Variants in MTMR3 observed in about 807,000 individuals in gnomAD.
The protein encoded by MTMR3 is phosphatidylinositol-3,5-bisphosphate 3-phosphatase MTMR3.
A neutral mutation model predicts 132.4 loss-of-function variants in MTMR3; 32 were observed. That is an observed-to-expected ratio of 0.24 (90% CI 0.18 to 0.32). The LOEUF (loss-of-function observed/expected upper bound fraction) is 0.32, where lower values mean the gene tolerates loss of function less well. Ranked by LOEUF, MTMR3 falls within the 10% of genes least tolerant of loss-of-function variation. The probability of loss-of-function intolerance (pLI) is 1.00; values close to 1 mark genes in which losing one functional copy is unlikely to be tolerated. For synonymous variants in MTMR3, 556 were observed against 550.3 expected, an observed-to-expected ratio of 1.01 and a Z score of -0.14; for missense variants, 1,216 against 1,489.6, an observed-to-expected ratio of 0.82 and a Z score of 3.02.
At chr22:29,926,971 C>T (rs1217278468) in intron 1 of MTMR3, among the ~76,000 whole-genome samples, 1 of 152,074 alleles carries the variant, frequency 6.6e-6, no homozygotes, top group Non-Finnish European at 1.5e-5. Context: ...AGTTTTTGCA[C>T]TTACATTTAG....
intron 1 of MTMR3, among the ~76,000 whole-genome samples, chr22:29,930,520 C>T (rs1047138357): frequency 2.6e-5 from 4 of 151,874 alleles, no homozygotes; most frequent in Admixed American, 1.3e-4. Context: ...GGCAACATGG[C>T]GAAACCCTGT....
rs1394466372 is a variant in MTMR3, at chr22:30,026,048, A to T, written c.*247A>T. 5.6e-5 allele frequency: 19 copies of T among 336,670 alleles called. No homozygotes were observed. Among genetic ancestry groups the T allele is most frequent in the South Asian group, 6.4e-5 (1 of 15,600 alleles). The allele number at this position is 336,670 out of a possible 1,614,324, so 20.9% of individuals were successfully genotyped here. A position where few individuals can be genotyped will look rare whatever the true frequency, so the allele number is the denominator to read the frequency against. On this transcript the variant is annotated 3_prime_UTR_variant, in exon 20 of 20. Transcript: ENST00000401950. ...AGGAAACTTTCCCTTGGTTGTCTTA[A>T]TTTTTTTTTTTTTTGATGGAAGACC...
chr22:30,011,111 T>G (rs1264944818), intron 12 of MTMR3: 1 of 152,196 alleles, frequency 6.6e-6, no homozygotes, highest in Non-Finnish European at 1.5e-5. Flanking sequence ...ATTTCATACT[T>G]ATTCCACAGG....
At chr22:30,012,255 T>C (rs550793681) in intron 12 of MTMR3, 113 bp from the exon 13 acceptor site, 1 of 1,190,844 alleles carries the variant, frequency 8.4e-7, no homozygotes, top group African/African-American at 1.5e-5. Flanking sequence ...TTGGCAGTGT[T>C]ATATTTGGAG....
chr22:29,999,020 C>A, intron 8 of MTMR3, 163 bp downstream of exon 8: 1 of 467,690 alleles, frequency 2.1e-6, no homozygotes. Context: ...ATCTTCTGTT[C>A]CCGTTGCTAT....
chr22:29,913,251 CA>C (rs1438112881), intron 1 of MTMR3, among the ~76,000 whole-genome samples: 1 of 152,028 alleles, frequency 6.6e-6, no homozygotes, highest in African/African-American at 2.4e-5. Flanking sequence ...CATCTCAAAA[CA>C]AAAACAGAAA....
At chr22:29,895,117 A>G (rs2064869288) in intron 1 of MTMR3, among the ~76,000 whole-genome samples, 1 of 152,186 alleles carries the variant, frequency 6.6e-6, no homozygotes, top group South Asian at 2.1e-4. Context: ...CTGAGGCAGG[A>G]GAATCACTTG....
intron 2 of MTMR3, among the ~76,000 whole-genome samples, chr22:29,964,862 A>G (rs1352788450): frequency 6.6e-6 from 1 of 152,162 alleles, no homozygotes; most frequent in Non-Finnish European, 1.5e-5. Flanking sequence ...ACTTACTACT[A>G]TTCACATGAT....
intron 1 of MTMR3, among the ~76,000 whole-genome samples, chr22:29,899,933 C>T (rs370608391): frequency 3.9e-5 from 6 of 152,134 alleles, no homozygotes; most frequent in East Asian, 1.9e-4. Flanking sequence ...ACTTTTGCCT[C>T]GCAAAATTTT....
At chr22:30,006,877 TGGGTAAC>T in intron 9 of MTMR3, 1 of 473,840 alleles carries the variant, frequency 2.1e-6, no homozygotes. Context: ...GTCATTTTTT[TGGGTAAC>T]TTTACAGGGA....
At chr22:29,950,621 C>T (rs1410754946) in intron 1 of MTMR3, among the ~76,000 whole-genome samples, 1 of 152,174 alleles carries the variant, frequency 6.6e-6, no homozygotes, top group South Asian at 2.1e-4. Context: ...CTCAGCCTCC[C>T]AGAGTACTGG....
At chr22:29,907,120 G>A (rs930277968) in intron 1 of MTMR3, among the ~76,000 whole-genome samples, 2 of 151,366 alleles carry the variant, frequency 1.3e-5, no homozygotes, top group African/African-American at 2.4e-5. Flanking sequence ...ACAAAATTTG[G>A]CCAGGCGTGA....
intron 1 of MTMR3, among the ~76,000 whole-genome samples, chr22:29,952,971 G>C (rs1022726270): frequency 9.2e-5 from 14 of 152,136 alleles, no homozygotes; most frequent in African/African-American, 3.4e-4. Context: ...AATTGTGGCG[G>C]TTGTAAATCT....
intron 1 of MTMR3, among the ~76,000 whole-genome samples, chr22:29,908,982 C>CTTTTTT (rs67722380): frequency 7.2e-6 from 1 of 139,706 alleles, no homozygotes. Flanking sequence ...CTTTTCTTTT[C>CTTTTTT]TTTTTTTTTT....
chr22:29,967,226 T>C (rs866158661), intron 2 of MTMR3, among the ~76,000 whole-genome samples: 21 of 93,788 alleles, frequency 2.2e-4, no homozygotes, highest in African/African-American at 6.0e-4. Flanking sequence ...TGTGTGTGTG[T>C]GTGTGTGCAT....
chr22:29,922,918 T>C (rs954239783), intron 1 of MTMR3, among the ~76,000 whole-genome samples: 1 of 150,594 alleles, frequency 6.6e-6, no homozygotes, highest in Non-Finnish European at 1.5e-5. Context: ...AGACTGGGTC[T>C]CACTCTGTCA....
chr22:29,952,222 C>A (rs2066096302), intron 1 of MTMR3, among the ~76,000 whole-genome samples: 1 of 151,896 alleles, frequency 6.6e-6, no homozygotes, highest in South Asian at 2.1e-4. Context: ...GATTTTTTTC[C>A]CCCTCGGGAG....
chr22:29,887,272 A>G (rs1363099179), intron 1 of MTMR3, among the ~76,000 whole-genome samples: 9 of 152,326 alleles, frequency 5.9e-5, no homozygotes, highest in South Asian at 2.1e-4. Context: ...CTGGCAAGCT[A>G]CATAACCCCC....
At chr22:30,013,578 A>G (rs1326864827) in intron 14 of MTMR3, 37 bp downstream of exon 14, 4 of 1,597,056 alleles carry the variant, frequency 2.5e-6, no homozygotes, top group Non-Finnish European at 3.4e-6. Flanking sequence ...CTCAATTTGA[A>G]GGAGGGTCAG....
Sources: gnomAD v4.1 joint callset for allele counts (sites outside exome capture counted in the v4.1 genomes callset) on GRCh38, gnomAD v4.1.1 for gene constraint, MANE v1.5 for transcripts, NCBI Gene and HGNC (gene_info 2026-07-23, HGNC 2026-07-21) for gene names.